Variants in TYW3 observed in about 807,000 individuals in gnomAD.
TYW3 encodes the protein tRNA-yW synthesizing protein 3 homolog.
In TYW3, 26 loss-of-function variants were observed where a neutral mutation model predicts 23.1. The observed-to-expected ratio is 1.13, with a 90% CI of 0.83 to 1.56. The LOEUF (loss-of-function observed/expected upper bound fraction) is 1.56. TYW3 is among the 40% of genes most tolerant of loss of function. The pLI is 0.00. For missense variants in TYW3, 316 were observed against 311.9 expected, an observed-to-expected ratio of 1.01 and a Z score of -0.10; for synonymous variants, 102 against 105.7, an observed-to-expected ratio of 0.97 and a Z score of 0.21.
intron 1 of TYW3, 153 bp from the exon 2 acceptor site, chr1:74,736,389 A>G (rs1648154318): frequency 2.0e-6 from 1 of 502,464 alleles, no homozygotes; most frequent in African/African-American, 2.0e-5. Flanking sequence ...CTGGGTTAAC[A>G]TTACCCAAAA....
chr1:74,733,467 TC>T (rs768142302), intron 1 of TYW3, 49 bp downstream of exon 1: 2 of 1,605,158 alleles, frequency 1.2e-6, no homozygotes, highest in Non-Finnish European at 1.7e-6. Context: ...GTGCGAAACT[TC>T]AGGAGCCCTG....
intron 1 of TYW3, among the ~76,000 whole-genome samples, chr1:74,735,960 T>C (rs770936986): frequency 6.6e-6 from 1 of 152,196 alleles, no homozygotes; most frequent in South Asian, 2.1e-4. Context: ...AAATAAACAT[T>C]TGTTCAATTT....
At chr1:74,743,162 G>T (rs1482576868) in intron 3 of TYW3, among the ~76,000 whole-genome samples, 1 of 152,172 alleles carries the variant, frequency 6.6e-6, no homozygotes, top group African/African-American at 2.4e-5. Flanking sequence ...TTTCTCGTTG[G>T]ACAATCTTTT....
intron 3 of TYW3, among the ~76,000 whole-genome samples, chr1:74,748,182 G>T (rs1422309277): frequency 3.3e-5 from 5 of 152,012 alleles, no homozygotes; most frequent in Admixed American, 3.3e-4. Context: ...GATGGCCCCT[G>T]GGGTTCAAAA....
Position 74,736,576 on chromosome 1 carries a change from G to C in TYW3, c.209G>C (p.Cys70Ser). 1 of 1,603,240 alleles carries C rather than the reference G, an allele frequency of 6.2e-7. No homozygotes were observed. The highest frequency in any genetic ancestry group is 2.2e-5 in the East Asian group (1 of 44,460). Residue 70 changes from cysteine to serine, a missense_variant, in exon 2 of 6, where the codon TGT (cysteine) becomes TCT (serine). Physicochemically the swap from Cys to Ser is moderately radical, Grantham distance 112. Transcript: ENST00000370867. ...GGTTTTGAGGTTCAGAAACAAAACT[G>C]TTGCTGGCTACTGGTTACACACAAA... The part of the protein sequence containing the change: ...INGFEVQKQN[C>S]CWLLVTHKLC...
In TYW3 at chr1:74,765,687, C is replaced by T. The variant is rs1020858637; in HGVS notation, c.*1574C>T. On this transcript the variant is annotated 3_prime_UTR_variant, in exon 6 of 6. Transcript: ENST00000370867. ...TAGGAAAGAGAGAGTGCAGGTGGAA[C>T]GAGCCTATCCTGTGGTGAAATGACA... The T allele has an allele frequency of 8.6e-5, 13 of 151,882 alleles. No individual in the cohort carries two copies. Among genetic ancestry groups the T allele is most frequent in the Non-Finnish European group, 1.6e-4 (11 of 67,936 alleles). The allele number at this position is 151,882 out of a possible 1,614,324, so 9.4% of individuals were successfully genotyped here.
chr1:74,752,633 C>T (rs904216897), intron 5 of TYW3, among the ~76,000 whole-genome samples: 1 of 152,154 alleles, frequency 6.6e-6, no homozygotes, highest in African/African-American at 2.4e-5. Context: ...ATGGAGCATA[C>T]GGGAGAGGCT....
chr1:74,745,989 C>T (rs1457880592), intron 3 of TYW3, among the ~76,000 whole-genome samples: 1 of 152,180 alleles, frequency 6.6e-6, no homozygotes, highest in Non-Finnish European at 1.5e-5. Context: ...TTCATTTAAC[C>T]TAATTAACAC....
chr1:74,756,650 A>T (rs448759), intron 5 of TYW3, among the ~76,000 whole-genome samples: 1 of 152,208 alleles, frequency 6.6e-6, no homozygotes, highest in African/African-American at 2.4e-5. Context: ...AACTTGCAGC[A>T]TGACAATGTG....
chr1:74,734,070 A>G (rs1459711211), intron 1 of TYW3: 1 of 152,158 alleles, frequency 6.6e-6, no homozygotes, highest in African/African-American at 2.4e-5. Context: ...ATGTAACCCC[A>G]TCATAAATCA....
intron 3 of TYW3, among the ~76,000 whole-genome samples, chr1:74,747,171 A>C (rs1346644771): frequency 6.6e-6 from 1 of 152,176 alleles, no homozygotes; most frequent in Non-Finnish European, 1.5e-5. Flanking sequence ...GAGGTGATGG[A>C]GACTTGAAAA....
chr1:74,748,888 T>TA (rs1648680935), intron 4 of TYW3, 66 bp downstream of exon 4: 1 of 1,369,632 alleles, frequency 7.3e-7, no homozygotes, highest in African/African-American at 1.4e-5. Flanking sequence ...ATAACCTAAT[T>TA]AGACTCCTGC....
At chr1:74,734,124 T>C (rs897497606) in intron 1 of TYW3, 1 of 152,230 alleles carries the variant, frequency 6.6e-6, no homozygotes, top group Non-Finnish European at 1.5e-5. Context: ...GCAGGTTCAG[T>C]TACCCCAGTC....
At chr1:74,759,059 T>C (rs1174960465) in intron 5 of TYW3, among the ~76,000 whole-genome samples, 1 of 152,218 alleles carries the variant, frequency 6.6e-6, no homozygotes, top group African/African-American at 2.4e-5. Context: ...TGTTCACAAA[T>C]TTAGTTGACT....
In TYW3 at chr1:74,766,030, T is replaced by C. The variant is rs1649295899; in HGVS notation, c.*1917T>C. ...TTTTAATCATCAATGATGGACCATA[T>C]ACCATATACGATATGGTGGCCCCAT... On this transcript the variant is annotated 3_prime_UTR_variant, in exon 6 of 6. Transcript: ENST00000370867. 1 of 152,134 alleles carries C rather than the reference T, an allele frequency of 6.6e-6. No individual in the cohort carries two copies. The highest frequency in any genetic ancestry group is 1.5e-5 in the Non-Finnish European group (1 of 68,022). The allele number at this position is 152,134 out of a possible 1,614,324, so 9.4% of individuals were successfully genotyped here. A position where few individuals can be genotyped will look rare whatever the true frequency, so the allele number is the denominator to read the frequency against.
intron 3 of TYW3, among the ~76,000 whole-genome samples, chr1:74,742,063 T>G (rs1000371648): frequency 6.6e-6 from 1 of 152,228 alleles, no homozygotes; most frequent in Non-Finnish European, 1.5e-5. Context: ...TTCTCTGTCT[T>G]GCAGGGGAAA....
chr1:74,751,509 A>G (rs1370164457), intron 4 of TYW3: 1 of 152,144 alleles, frequency 6.6e-6, no homozygotes, highest in African/African-American at 2.4e-5. Context: ...CCCCGTCTCT[A>G]TGAAAAATAC....
chr1:74,764,368 A>G lies in TYW3; in HGVS notation c.*255A>G. On this transcript the variant is annotated 3_prime_UTR_variant, in exon 6 of 6. Coordinates refer to ENST00000370867, the MANE Select transcript of TYW3 (RefSeq NM_138467.3). The stretch of plus-strand genomic sequence containing the variant: ...CTACTTTTTTACCAGTTTCTCCCAG[A>G]AGCACCTGCTTAATAAATCAAAGAT... 3.0e-6 allele frequency: 1 copy of G among 329,358 alleles called. No individual in the cohort carries two copies. The highest frequency in any genetic ancestry group is 5.2e-5 in the East Asian group (1 of 19,374). 20.4% of individuals were successfully genotyped at this position (329,358 alleles called of 1,614,324 possible). A position where few individuals can be genotyped will look rare whatever the true frequency, so the allele number is the denominator to read the frequency against.
intron 3 of TYW3, 84 bp downstream of exon 3, chr1:74,738,872 A>G (rs527814467): frequency 3.4e-6 from 3 of 883,994 alleles, no homozygotes; most frequent in East Asian, 2.6e-5. Flanking sequence ...ATAAATATCA[A>G]TGAGATATTA....
Sources: allele counts gnomAD v4.1 joint callset (sites outside exome capture counted in the v4.1 genomes callset), GRCh38; gene constraint gnomAD v4.1.1; transcripts MANE v1.5; gene names NCBI Gene and HGNC (gene_info 2026-07-23, HGNC 2026-07-21).